Variants in PIGK observed in about 807,000 individuals in gnomAD.
PIGK encodes the protein GPI-anchor transamidase.
In PIGK, 42 loss-of-function variants were observed where a neutral mutation model predicts 50.6. That is an observed-to-expected ratio of 0.83 (90% CI 0.65 to 1.07). PIGK has a LOEUF of 1.07. Among genes scored for constraint, PIGK ranks in the 50% least tolerant of loss-of-function variants. PIGK has a pLI of 0.00. For missense variants in PIGK, 448 were observed against 488.7 expected, an observed-to-expected ratio of 0.92 and a Z score of 0.78; for synonymous variants, 151 against 156.0, an observed-to-expected ratio of 0.97 and a Z score of 0.24.
intron 3 of PIGK, among the ~76,000 whole-genome samples, chr1:77,174,702 T>G (rs1156714256): frequency 6.6e-6 from 1 of 152,134 alleles, no homozygotes; most frequent in African/African-American, 2.4e-5. Context: ...GCTTGGCTGA[T>G]TCCCCCTTTA....
At chr1:77,099,831 C>T (rs1218645590) in intron 10 of PIGK, among the ~76,000 whole-genome samples, 3 of 151,172 alleles carry the variant, frequency 2.0e-5, no homozygotes, top group Admixed American at 6.6e-5. Flanking sequence ...TTAAGGTACT[C>T]TAGTGACTGC....
intron 8 of PIGK, among the ~76,000 whole-genome samples, chr1:77,157,549 A>C (rs1655035818): frequency 1.3e-5 from 2 of 152,232 alleles, no homozygotes; most frequent in Non-Finnish European, 2.9e-5. Flanking sequence ...CAATCCAAAA[A>C]TGAGAACTTT....
intron 3 of PIGK, among the ~76,000 whole-genome samples, chr1:77,183,134 A>C (rs1655659685): frequency 6.6e-6 from 1 of 152,228 alleles, no homozygotes; most frequent in Admixed American, 6.5e-5. Context: ...ATGCATGGAC[A>C]GCCTCACTAG....
At chr1:77,199,723 T>G (rs1325462435) in intron 3 of PIGK, among the ~76,000 whole-genome samples, 1 of 151,982 alleles carries the variant, frequency 6.6e-6, no homozygotes, top group Non-Finnish European at 1.5e-5. Flanking sequence ...AAAAGATATT[T>G]AGATAGAAAA....
chr1:77,205,938 A>G (rs1247399250), intron 3 of PIGK, among the ~76,000 whole-genome samples: 2 of 152,114 alleles, frequency 1.3e-5, no homozygotes, highest in Non-Finnish European at 2.9e-5. Flanking sequence ...AGAGGCTAAT[A>G]ATGCCATATA....
chr1:77,134,920 A>G (rs1557802294), intron 9 of PIGK, among the ~76,000 whole-genome samples: 1 of 152,122 alleles, frequency 6.6e-6, no homozygotes. Flanking sequence ...ATTCCCAAAT[A>G]TATGTTTTAA....
intron 3 of PIGK, among the ~76,000 whole-genome samples, chr1:77,197,198 C>T (rs1656056923): frequency 6.6e-6 from 1 of 152,020 alleles, no homozygotes; most frequent in Admixed American, 6.6e-5. Context: ...GGCCAGCCAA[C>T]CAAAAATATT....
At chr1:77,189,060 G>C (rs867108547) in intron 3 of PIGK, among the ~76,000 whole-genome samples, 8 of 152,128 alleles carry the variant, frequency 5.3e-5, no homozygotes, top group Middle Eastern at 3.2e-3. Context: ...TTTGTACTTA[G>C]AAAATATCTT....
At chr1:77,124,311 A>G (rs839839) in intron 9 of PIGK, among the ~76,000 whole-genome samples, 5,581 of 152,264 alleles carry the variant, frequency 0.037, 268 homozygotes, top group African/African-American at 0.11. Context: ...TACATTATGT[A>G]TAAAAAACAC....
intron 3 of PIGK, among the ~76,000 whole-genome samples, chr1:77,200,284 AGAAGCAT>A (rs749750044): frequency 7.1e-4 from 108 of 152,272 alleles, no homozygotes; most frequent in Non-Finnish European, 1.3e-3. Flanking sequence ...TGAATACTGA[AGAAGCAT>A]GAAGTACATG....
chr1:77,149,761 T>C (rs542207371), intron 9 of PIGK, among the ~76,000 whole-genome samples: 51 of 152,296 alleles, frequency 3.3e-4, no homozygotes, highest in African/African-American at 1.2e-3. Context: ...TAGACATTTA[T>C]AGAACATTTC....
At chr1:77,115,916 G>C (rs1233906576) in intron 10 of PIGK, among the ~76,000 whole-genome samples, 1 of 152,070 alleles carries the variant, frequency 6.6e-6, no homozygotes, top group African/African-American at 2.4e-5. Flanking sequence ...AATATTAAAG[G>C]ATTTGTAGGA....
chr1:77,198,373 C>T (rs1367154766), intron 3 of PIGK, among the ~76,000 whole-genome samples: 1 of 151,960 alleles, frequency 6.6e-6, no homozygotes, highest in East Asian at 1.9e-4. Flanking sequence ...TTTATCTGCA[C>T]TATTAGTTTT....
At chr1:77,204,835 C>T (rs1485343596) in intron 3 of PIGK, among the ~76,000 whole-genome samples, 1 of 151,960 alleles carries the variant, frequency 6.6e-6, no homozygotes, top group Non-Finnish European at 1.5e-5. Context: ...AAAATATTTC[C>T]AAATCATACA....
intron 10 of PIGK, among the ~76,000 whole-genome samples, chr1:77,118,411 T>C (rs1164527501): frequency 1.3e-5 from 2 of 152,154 alleles, no homozygotes; most frequent in African/African-American, 2.4e-5. Flanking sequence ...GGTTAATTTA[T>C]GGTTTTTTTG....
chr1:77,215,427 G>A (rs12403340), intron 1 of PIGK, among the ~76,000 whole-genome samples: 26,581 of 152,030 alleles, frequency 0.17, 2,520 homozygotes, highest in East Asian at 0.36. Flanking sequence ...TGCTAGTTAA[G>A]ATGTAGACAA....
chr1:77,212,178 T>C (rs1453145416), intron 1 of PIGK, among the ~76,000 whole-genome samples: 1 of 152,150 alleles, frequency 6.6e-6, no homozygotes, highest in Non-Finnish European at 1.5e-5. Flanking sequence ...AACATGATTT[T>C]GATTATATAT....
intron 9 of PIGK, 22 bp downstream of exon 9, chr1:77,154,427 A>C (rs1557808039): frequency 5.1e-6 from 8 of 1,560,906 alleles, no homozygotes; most frequent in Non-Finnish European, 7.0e-6. Flanking sequence ...ATTCTATTCA[A>C]ATAATGGTTT....
intron 10 of PIGK, among the ~76,000 whole-genome samples, chr1:77,103,787 G>A (rs921935139): frequency 3.3e-5 from 5 of 152,124 alleles, no homozygotes; most frequent in African/African-American, 4.8e-5. Flanking sequence ...GCTCCAGAGA[G>A]CTGCAGAGGA....
Sources: allele counts gnomAD v4.1 joint callset (sites outside exome capture counted in the v4.1 genomes callset), GRCh38; gene constraint gnomAD v4.1.1; transcripts MANE v1.5; gene names NCBI Gene and HGNC (gene_info 2026-07-23, HGNC 2026-07-21).